PCDH9: variants seen among roughly 807,000 people sequenced by gnomAD.
PCDH9 encodes protocadherin 9.
PCDH9 carries 24 observed loss-of-function variants against 70.6 expected under a neutral mutation model. The observed-to-expected ratio is 0.34, with a 90% CI of 0.25 to 0.48. The LOEUF (loss-of-function observed/expected upper bound fraction) is 0.48, where lower values mean the gene tolerates loss of function less well. Among genes scored for constraint, PCDH9 ranks in the 20% least tolerant of loss-of-function variants. The probability of loss-of-function intolerance (pLI) is 0.99; values close to 1 mark genes in which losing one functional copy is unlikely to be tolerated. For synonymous variants in PCDH9, 562 were observed against 558.5 expected, an observed-to-expected ratio of 1.01 and a Z score of -0.09; for missense variants, 1,281 against 1,503.6, an observed-to-expected ratio of 0.85 and a Z score of 2.45.
intron 3 of PCDH9, among the ~76,000 whole-genome samples, chr13:66,863,111 G>T (rs940333326): frequency 6.6e-6 from 1 of 151,986 alleles, no homozygotes; most frequent in African/African-American, 2.4e-5. Flanking sequence ...ACTCAGAGGC[G>T]AATTTAAATG....
chr13:66,775,657 T>A (rs1483709388), intron 3 of PCDH9, among the ~76,000 whole-genome samples: 1 of 152,238 alleles, frequency 6.6e-6, no homozygotes, highest in Non-Finnish European at 1.5e-5. Context: ...TAATAACACT[T>A]ACTTTTATCT....
At chr13:67,206,708 T>C (rs1308486474) in intron 2 of PCDH9, 1 of 152,214 alleles carries the variant, frequency 6.6e-6, no homozygotes, top group Non-Finnish European at 1.5e-5. Flanking sequence ...TGATCTTAGC[T>C]GGCAAATTTG....
chr13:66,620,817 G>A (rs1321058732), intron 4 of PCDH9, among the ~76,000 whole-genome samples: 1 of 151,934 alleles, frequency 6.6e-6, no homozygotes, highest in East Asian at 1.9e-4. Flanking sequence ...TCTACTTGTG[G>A]TCCTCTTGGA....
intron 4 of PCDH9, among the ~76,000 whole-genome samples, chr13:66,409,433 G>A (rs1957335342): frequency 6.6e-6 from 1 of 152,030 alleles, no homozygotes; most frequent in African/African-American, 2.4e-5. Context: ...ATTTTGCATT[G>A]CAAAGGTAGC....
chr13:66,754,865 T>C (rs1449760569), intron 3 of PCDH9, among the ~76,000 whole-genome samples: 1 of 152,170 alleles, frequency 6.6e-6, no homozygotes, highest in Non-Finnish European at 1.5e-5. Context: ...GTGTCATACA[T>C]AATGTTAATA....
At chr13:67,046,856 G>A (rs569443068) in intron 2 of PCDH9, among the ~76,000 whole-genome samples, 42 of 152,110 alleles carry the variant, frequency 2.8e-4, no homozygotes, top group Non-Finnish European at 5.1e-4. Context: ...GGTACAGAAG[G>A]TCAGCTCAGC....
At chr13:67,043,442 G>A (rs1478239837) in intron 2 of PCDH9, among the ~76,000 whole-genome samples, 4 of 151,978 alleles carry the variant, frequency 2.6e-5, no homozygotes, top group Non-Finnish European at 2.9e-5. Context: ...GGAAGAGGAA[G>A]GAGAAAATCG....
At chr13:66,433,774 G>A (rs902469188) in intron 4 of PCDH9, among the ~76,000 whole-genome samples, 9 of 151,574 alleles carry the variant, frequency 5.9e-5, no homozygotes, top group African/African-American at 2.2e-4. Context: ...AATATATTTT[G>A]TTGTTTGCAT....
intron 4 of PCDH9, among the ~76,000 whole-genome samples, chr13:66,527,227 G>A (rs539982369): frequency 1.4e-4 from 21 of 151,224 alleles, no homozygotes; most frequent in South Asian, 1.3e-3. Context: ...GTGTCAGGGT[G>A]AAATATAGCT....
At chr13:66,318,086 C>T (rs1014358793) in intron 4 of PCDH9, among the ~76,000 whole-genome samples, 2 of 152,216 alleles carry the variant, frequency 1.3e-5, no homozygotes, top group Admixed American at 6.5e-5. Context: ...TTTGCCCTCT[C>T]AGGGTGATAC....
chr13:66,624,628 G>C lies in PCDH9; in HGVS notation c.3340+6582C>G, dbSNP rs142112027. 3.4e-4 allele frequency among the ~76,000 whole-genome samples: 52 copies of C among 152,310 alleles called. 1 individual carries two copies. The highest frequency in any genetic ancestry group is 1.2e-3 in the Admixed American group (19 of 15,304). On this transcript the variant is annotated intron_variant, in intron 4 of 4. Transcript: ENST00000377865. ...TAAGTTCCAGAGGGAACTTTCGAAA[G>C]ACTTTATTTTACTTAAAAGGTCTTT...
intron 3 of PCDH9, among the ~76,000 whole-genome samples, chr13:66,828,810 A>AT (rs2080869629): frequency 2.7e-5 from 4 of 148,604 alleles, no homozygotes; most frequent in African/African-American, 7.4e-5. Context: ...GCCATACATA[A>AT]AATAATAATA....
At chr13:66,726,755 G>A (rs1242785084) in intron 3 of PCDH9, among the ~76,000 whole-genome samples, 1 of 152,186 alleles carries the variant, frequency 6.6e-6, no homozygotes, top group Admixed American at 6.5e-5. Flanking sequence ...TTCTTGAAGT[G>A]CAGTATGTTT....
intron 2 of PCDH9, among the ~76,000 whole-genome samples, chr13:67,072,026 A>G (rs952866925): frequency 1.3e-5 from 2 of 152,138 alleles, no homozygotes; most frequent in Admixed American, 1.3e-4. Flanking sequence ...AAAGCTGTAG[A>G]GTTTTGCATA....
chr13:66,659,675 C>T (rs893170452), intron 3 of PCDH9, among the ~76,000 whole-genome samples: 1 of 151,726 alleles, frequency 6.6e-6, no homozygotes, highest in African/African-American at 2.4e-5. Flanking sequence ...ACTTTTTAAA[C>T]ATTTTTTTTT....
chr13:66,958,680 T>C (rs960956204), intron 2 of PCDH9, among the ~76,000 whole-genome samples: 12 of 152,190 alleles, frequency 7.9e-5, no homozygotes, highest in African/African-American at 1.9e-4. Context: ...TGTTCTTTTA[T>C]TTTTTTCATG....
In PCDH9 at chr13:67,228,490, A is replaced by T. The variant is rs754836753; in HGVS notation, c.-50T>A. ...TGGATTTTAGGGTTTAAAGGTTTCC[A>T]CTGAGGAATGATGCACAAATTGCAA... On this transcript the variant is annotated 5_prime_UTR_variant, in exon 2 of 5. Coordinates refer to ENST00000377865, the MANE Select transcript of PCDH9 (RefSeq NM_203487.3). The T allele has an allele frequency of 6.8e-7, 1 of 1,464,426 alleles. No homozygotes were observed. The highest frequency in any genetic ancestry group is 9.2e-7 in the Non-Finnish European group (1 of 1,089,708). 90.7% of individuals were successfully genotyped at this position (1,464,426 alleles called of 1,614,324 possible).
chr13:66,927,148 G>T (rs1185113900), intron 2 of PCDH9, among the ~76,000 whole-genome samples: 2 of 152,026 alleles, frequency 1.3e-5, no homozygotes, highest in Admixed American at 1.3e-4. Flanking sequence ...CAAGTGCCTA[G>T]TGCCTAGTAT....
chr13:66,604,950 T>A (rs932686511), intron 4 of PCDH9, among the ~76,000 whole-genome samples: 3 of 152,080 alleles, frequency 2.0e-5, no homozygotes, highest in African/African-American at 7.2e-5. Context: ...AGTGGTCATG[T>A]GCTCATCAAA....
Sources: allele counts gnomAD v4.1 joint callset (sites outside exome capture counted in the v4.1 genomes callset), GRCh38; gene constraint gnomAD v4.1.1; transcripts MANE v1.5; gene names NCBI Gene and HGNC (gene_info 2026-07-23, HGNC 2026-07-21).